EYA1: variants seen among roughly 807,000 people sequenced by gnomAD.
EYA1 encodes the protein protein phosphatase EYA1.
In EYA1, 16 loss-of-function variants were observed where a neutral mutation model predicts 82.0. That is an observed-to-expected ratio of 0.20 (90% confidence interval 0.13 to 0.30). The LOEUF is 0.30. EYA1 is among the 10% of genes least tolerant of loss of function. The pLI, the probability that EYA1 is intolerant of heterozygous loss-of-function variation, is 1.00. For missense variants in EYA1, 633 were observed against 730.7 expected, an observed-to-expected ratio of 0.87 and a Z score of 1.54; for synonymous variants, 261 against 264.4, an observed-to-expected ratio of 0.99 and a Z score of 0.12.
intron 3 of EYA1, among the ~76,000 whole-genome samples, chr8:71,334,907 T>A (rs189715712): frequency 9.2e-5 from 14 of 152,354 alleles, no homozygotes; most frequent in Middle Eastern, 3.4e-3. Flanking sequence ...AGATTTATGC[T>A]ACAGATTCTC....
chr8:71,255,904 G>T (rs1007104775), intron 11 of EYA1, among the ~76,000 whole-genome samples: 1 of 152,006 alleles, frequency 6.6e-6, no homozygotes, highest in Admixed American at 6.6e-5. Context: ...ATGGGAAAAG[G>T]ATCATCTCTA....
At chr8:71,374,040 GAAA>G (rs1229898659) in intron 2 of EYA1, among the ~76,000 whole-genome samples, 2 of 152,046 alleles carry the variant, frequency 1.3e-5, no homozygotes, top group Non-Finnish European at 2.9e-5. Context: ...ACTCTTAGAA[GAAA>G]ACAGGGGAAA....
intron 12 of EYA1, 139 bp from the exon 13 acceptor site, chr8:71,217,162 T>C (rs1585821724): frequency 1.5e-6 from 1 of 674,788 alleles, no homozygotes; most frequent in East Asian, 2.7e-5. Context: ...TAGGTGGCAG[T>C]CTTGTAAAAT....
At chr8:71,400,602 G>C (rs1190820737) in intron 2 of EYA1, among the ~76,000 whole-genome samples, 1 of 152,200 alleles carries the variant, frequency 6.6e-6, no homozygotes, top group East Asian at 1.9e-4. Context: ...TTTCGCATCA[G>C]TCAGAATGGC....
chr8:71,288,874 A>G (rs1818690657), intron 9 of EYA1, among the ~76,000 whole-genome samples: 1 of 152,252 alleles, frequency 6.6e-6, no homozygotes, highest in African/African-American at 2.4e-5. Context: ...ATGATAATGA[A>G]GAAATGAAAT....
At chr8:71,278,349 C>G (rs1817436954) in intron 9 of EYA1, among the ~76,000 whole-genome samples, 1 of 152,174 alleles carries the variant, frequency 6.6e-6, no homozygotes. Context: ...ATTTCTCAGG[C>G]CTTCCTTAAT....
At chr8:71,495,139 GATAA>G (rs1488812387) in intron 2 of EYA1, among the ~76,000 whole-genome samples, 83 of 152,132 alleles carry the variant, frequency 5.5e-4, no homozygotes, top group African/African-American at 2.0e-3. Context: ...ATATTAAAGA[GATAA>G]ATAGTGATTC....
chr8:71,209,191 C>A (rs748207034), intron 17 of EYA1, among the ~76,000 whole-genome samples: 22 of 152,184 alleles, frequency 1.4e-4, no homozygotes, highest in Middle Eastern at 3.2e-3. Context: ...ATGCCAGAGG[C>A]TTTCCTAGAA....
intron 12 of EYA1, among the ~76,000 whole-genome samples, chr8:71,237,842 T>C (rs1812029351): frequency 1.3e-5 from 2 of 152,188 alleles, no homozygotes; most frequent in South Asian, 4.1e-4. Context: ...ATTAACTTTT[T>C]ATTAAACAAA....
At chr8:71,345,292 A>G (rs893135949) in intron 3 of EYA1, among the ~76,000 whole-genome samples, 4 of 152,190 alleles carry the variant, frequency 2.6e-5, no homozygotes, top group African/African-American at 9.7e-5. Flanking sequence ...GTGGACATTG[A>G]GCATTTTCGA....
intron 12 of EYA1, among the ~76,000 whole-genome samples, chr8:71,219,528 A>T (rs1809626088): frequency 6.6e-6 from 1 of 152,218 alleles, no homozygotes; most frequent in Admixed American, 6.5e-5. Flanking sequence ...ACAAACTTCA[A>T]ATACATAAAA....
At chr8:71,217,683 GT>G (rs201593037) in intron 12 of EYA1, among the ~76,000 whole-genome samples, 4 of 151,120 alleles carry the variant, frequency 2.6e-5, no homozygotes, top group East Asian at 1.9e-4. Flanking sequence ...TTGCTGTTTA[GT>G]TTTTTTTACA....
At chr8:71,546,032 C>T (rs2129295590) in intron 1 of EYA1, among the ~76,000 whole-genome samples, 1 of 152,272 alleles carries the variant, frequency 6.6e-6, no homozygotes, top group African/African-American at 2.4e-5. Context: ...GATACCATCC[C>T]AGCACATCAG....
At chr8:71,515,260 A>T (rs568903998) in intron 2 of EYA1, among the ~76,000 whole-genome samples, 25 of 152,276 alleles carry the variant, frequency 1.6e-4, no homozygotes, top group African/African-American at 5.8e-4. Flanking sequence ...CTTGATGTGC[A>T]TTCCCACAGC....
intron 7 of EYA1, among the ~76,000 whole-genome samples, chr8:71,316,458 T>A (rs1244368735): frequency 6.6e-6 from 1 of 152,126 alleles, no homozygotes; most frequent in Admixed American, 6.5e-5. Flanking sequence ...ACAGAACTTA[T>A]TGATGTGAAA....
At chr8:71,470,908 A>G in intron 2 of EYA1, 1 of 455,666 alleles carries the variant, frequency 2.2e-6, no homozygotes, top group Non-Finnish European at 4.4e-6. Context: ...ATGTCGTAAC[A>G]TATTGAACAG....
At chr8:71,409,784 C>G (rs2129138852) in intron 2 of EYA1, among the ~76,000 whole-genome samples, 1 of 127,764 alleles carries the variant, frequency 7.8e-6, no homozygotes, top group Non-Finnish European at 1.7e-5. Context: ...GAGCCGAATT[C>G]TACCAGAGGT....
intron 11 of EYA1, among the ~76,000 whole-genome samples, chr8:71,247,862 A>G (rs750631931): frequency 3.3e-5 from 5 of 152,156 alleles, no homozygotes; most frequent in Non-Finnish European, 5.9e-5. Context: ...CTTGTCTCAT[A>G]ACCATGTCAA....
intron 6 of EYA1, among the ~76,000 whole-genome samples, chr8:71,319,348 T>G (rs1822275622): frequency 6.6e-6 from 1 of 152,106 alleles, no homozygotes; most frequent in South Asian, 2.1e-4. Context: ...GCCAGGATGG[T>G]CTAGATCTCC....
Sources: allele counts gnomAD v4.1 joint callset (sites outside exome capture counted in the v4.1 genomes callset), GRCh38; gene constraint gnomAD v4.1.1; transcripts MANE v1.5; gene names NCBI Gene and HGNC (gene_info 2026-07-23, HGNC 2026-07-21).